Variants in HERC1 observed in about 807,000 individuals in gnomAD.
The protein encoded by HERC1 is HECT and RLD domain containing E3 ubiquitin protein ligase family member 1.
Under a neutral mutation model 554.3 loss-of-function variants are expected in HERC1, and 160 were observed. That is an observed-to-expected ratio of 0.29 (90% CI 0.25 to 0.33). The LOEUF (loss-of-function observed/expected upper bound fraction) is 0.33, where lower values mean the gene tolerates loss of function less well. Among genes scored for constraint, HERC1 ranks in the 10% least tolerant of loss-of-function variants. HERC1 has a pLI of 1.00. For missense variants in HERC1, 4,919 were observed against 5,918.5 expected, an observed-to-expected ratio of 0.83 and a Z score of 5.54; for synonymous variants, 2,175 against 2,131.7, an observed-to-expected ratio of 1.02 and a Z score of -0.56.
intron 17 of HERC1, among the ~76,000 whole-genome samples, chr15:63,726,500 G>A (rs2074045997): frequency 1.3e-5 from 2 of 151,888 alleles, no homozygotes; most frequent in South Asian, 2.1e-4. Context: ...CAAAAAATAG[G>A]AATAAACAGG....
chr15:63,758,293 A>T lies in HERC1; in HGVS notation c.1103T>A (p.Val368Asp). ...DSIQTGDAPIVSETCEVYVWG... is the reference protein window; with the variant it reads ...DSIQTGDAPIDSETCEVYVWG... ...AACATAAACCTCACAGGTTTCGGAG[A>T]CAATGGGAGCATCACCAGTCTGAAT... The change falls in exon 4 of 78, where the codon GTC becomes GAC. Residue 368 changes from valine (V) to aspartate (D), a missense_variant. Coordinates refer to ENST00000443617, the MANE Select transcript of HERC1 (RefSeq NM_003922.4). The surrounding 1 kb of genome is among the most constrained non-coding windows in gnomAD (Gnocchi z 4.0). The T allele has an allele frequency of 6.2e-7, 1 of 1,613,626 alleles. No individual in the cohort carries two copies. Among genetic ancestry groups the T allele is most frequent in the Non-Finnish European group, 8.5e-7 (1 of 1,179,636 alleles).
At position 63,694,620 on chromosome 15, in the gene HERC1, C is replaced by G. The variant is rs2072298235; in HGVS notation, c.5243-71G>C. On this transcript the variant is annotated intron_variant, in intron 28 of 77. Transcript: ENST00000443617. This position sits in a 1 kb window ranked among gnomAD's most constrained non-coding sequence, Gnocchi z 4.3. The stretch of plus-strand genomic sequence containing the variant: ...AGCATTTATTAAAATGAATAATTTT[C>G]TAAAATATTAATAACATGAAACACT... 3 of 1,446,012 alleles carry G rather than the reference C, an allele frequency of 2.1e-6. 1 individual carries two copies. The Admixed American group carries it at 5.5e-5, about 27-fold the overall frequency. 89.6% of individuals were successfully genotyped at this position (1,446,012 alleles called of 1,614,324 possible).
At chr15:63,770,856 C>T (rs1278988648) in intron 2 of HERC1, among the ~76,000 whole-genome samples, 1 of 152,092 alleles carries the variant, frequency 6.6e-6, no homozygotes, top group East Asian at 1.9e-4. Flanking sequence ...AGAGGCTCTA[C>T]AAACTTCCTA....
Position 63,723,368 on chromosome 15 carries a change from C to A in HERC1, c.3569-13G>T. 6.6e-7 allele frequency: 1 copy of A among 1,507,054 alleles called. No individual in the cohort carries two copies. Among genetic ancestry groups the A allele is most frequent in the Non-Finnish European group, 8.9e-7 (1 of 1,118,068 alleles). The allele number at this position is 1,507,054 out of a possible 1,614,324, so 93.4% of individuals were successfully genotyped here. A position where few individuals can be genotyped will look rare whatever the true frequency, so the allele number is the denominator to read the frequency against. The stretch of plus-strand genomic sequence containing the variant: ...CTCATACATTTATCTAAAAAAAATA[C>A]TCACGTTACCAATTTTAACATCATA... On this transcript the variant is annotated splice_polypyrimidine_tract_variant and intron_variant, in intron 18 of 77. Coordinates refer to ENST00000443617, the MANE Select transcript of HERC1 (RefSeq NM_003922.4).
In HERC1 at chr15:63,803,312, C is replaced by A. The variant is rs543613872; in HGVS notation, c.-26-27663G>T. On this transcript the variant is annotated intron_variant, in intron 1 of 77. Coordinates refer to ENST00000443617, the MANE Select transcript of HERC1 (RefSeq NM_003922.4). ...GCTAAATAGCCCAAGGTCACAACTG[C>A]CAGTAATTGATAGAGTAAGGATTCA... Among the ~76,000 whole-genome samples, 8 of 152,276 alleles carry A rather than the reference C, an allele frequency of 5.3e-5. No individual in the cohort carries two copies. The South Asian group carries it at 1.7e-3, about 32-fold the overall frequency.
intron 3 of HERC1, 79 bp downstream of exon 3, chr15:63,764,017 G>C: frequency 2.5e-6 from 2 of 786,944 alleles, no homozygotes; most frequent in Non-Finnish European, 3.8e-6. Context: ...AGAGAAAATG[G>C]ATTATTTTTA....
rs765658454 is a variant in HERC1 at position 63,686,545 on chromosome 15, A to G, written c.6049-10T>C. ...CCAACTCGCCCTGCTTCTACCAGAA[A>G]AGAAGCTGGGTCAGCATTTTGGAAT... On this transcript the variant is annotated splice_polypyrimidine_tract_variant and intron_variant, in intron 33 of 77. Coordinates refer to ENST00000443617, the MANE Select transcript of HERC1 (RefSeq NM_003922.4). 6.2e-7 allele frequency: 1 copy of G among 1,609,530 alleles called. No homozygotes were observed. Among genetic ancestry groups the G allele is most frequent in the South Asian group, 1.1e-5 (1 of 90,264 alleles).
chr15:63,619,786 G>T (rs2067990787), intron 74 of HERC1, among the ~76,000 whole-genome samples: 1 of 152,086 alleles, frequency 6.6e-6, no homozygotes, highest in South Asian at 2.1e-4. Flanking sequence ...TTGCATAGAG[G>T]TGTTTATAGT....
At position 63,712,910 on chromosome 15, in the gene HERC1, C is replaced by CAA. The variant is rs369792267; in HGVS notation, c.4464-17_4464-16dup. 1,534 of 1,422,610 alleles carry CAA rather than the reference C, an allele frequency of 1.1e-3. 11 individuals carry two copies. In the African/African-American group the frequency reaches 0.02, roughly 18 times the overall value. The allele number at this position is 1,422,610 out of a possible 1,614,324, so 88.1% of individuals were successfully genotyped here. Reference sequence around the variant, plus strand: ...GACTTTCACTCCTGTCTCACATGTACAAAAAAAAAAGTTTTTTGATTTAGG... The same window carrying CAA: ...GACTTTCACTCCTGTCTCACATGTACAAAAAAAAAAAAGTTTTTTGATTTAGG... On this transcript the variant is annotated splice_polypyrimidine_tract_variant and intron_variant, in intron 23 of 77. Coordinates refer to ENST00000443617, the MANE Select transcript of HERC1 (RefSeq NM_003922.4).
rs1331701393 is a variant in HERC1, at chr15:63,724,196, GTAGAGAT to G, written c.3569-848_3569-842del. 5.3e-5 allele frequency among the ~76,000 whole-genome samples: 8 copies of G among 152,260 alleles called. No individual in the cohort carries two copies. In the East Asian group the frequency reaches 1.5e-3, roughly 29 times the overall value. On this transcript the variant is annotated intron_variant, in intron 18 of 77. Transcript: ENST00000443617. ...TAAATATAACAGAAATATGAAGAGG[GTAGAGAT>G]AGAGATACTTTTGTTCTCAGGAGGT... is the stretch of plus-strand genomic sequence containing the variant.
intron 8 of HERC1, 84 bp downstream of exon 8, chr15:63,752,874 T>C (rs751434502): frequency 1.5e-5 from 19 of 1,286,506 alleles, no homozygotes; most frequent in South Asian, 5.8e-5. Flanking sequence ...ATTTGAACTT[T>C]AAAATTTAAA....
chr15:63,643,516 A>C lies in HERC1; in HGVS notation c.11219T>G (p.Val3740Gly), dbSNP rs2152849899. The C allele has an allele frequency of 6.2e-7, 1 of 1,607,922 alleles. No homozygotes were observed. ...GYRKSSGAKC[V>G]YQLRGHITPV... The stretch of plus-strand genomic sequence containing the variant: ...AGTGATGTGTCCCCGCAGCTGATAA[A>C]CACACTTGGCTCCTGATGATTTCCT... Residue 3740 changes from valine to glycine, a missense_variant, in exon 58 of 78, where the codon GTT becomes GGT. By Grantham distance (109) the Val-to-Gly change is moderately radical. Coordinates refer to ENST00000443617, the MANE Select transcript of HERC1 (RefSeq NM_003922.4).
chr15:63,741,305 G>A (rs59107973), intron 12 of HERC1, among the ~76,000 whole-genome samples: 4,911 of 151,654 alleles, frequency 0.032, 259 homozygotes, highest in African/African-American at 0.11. Context: ...GGGATTACAG[G>A]CGTGAGCCAC....
chr15:63,789,314 T>C (rs1297231406), intron 1 of HERC1, among the ~76,000 whole-genome samples: 2 of 150,384 alleles, frequency 1.3e-5, no homozygotes, highest in Non-Finnish European at 3.0e-5. Flanking sequence ...ATGGTCTCGA[T>C]CTCCTGACCT....
At chr15:63,673,926 T>A (rs1017475805) in intron 38 of HERC1, among the ~76,000 whole-genome samples, 1 of 152,220 alleles carries the variant, frequency 6.6e-6, no homozygotes, top group Non-Finnish European at 1.5e-5. Flanking sequence ...GGTTTCACCA[T>A]GTTGGCCAGG....
At chr15:63,704,924 G>C (rs2072924003) in intron 25 of HERC1, among the ~76,000 whole-genome samples, 1 of 151,796 alleles carries the variant, frequency 6.6e-6, no homozygotes, top group African/African-American at 2.4e-5. Flanking sequence ...ATTTTTAGTA[G>C]AGACAGGGTT....
At chr15:63,637,700 C>T in intron 63 of HERC1, 57 bp from the exon 64 acceptor site, 1 of 1,390,256 alleles carries the variant, frequency 7.2e-7, no homozygotes, top group African/African-American at 1.4e-5. Context: ...CTTTAACATG[C>T]AAGCACTTGA....
At position 63,734,627 on chromosome 15, in the gene HERC1, G is replaced by T; in HGVS notation, c.2646+97C>A. 1.9e-6 allele frequency: 2 copies of T among 1,034,456 alleles called. No homozygotes were observed. The highest frequency in any genetic ancestry group is 1.9e-5 in the South Asian group (1 of 53,904). The allele number at this position is 1,034,456 out of a possible 1,614,324, so 64.1% of individuals were successfully genotyped here. A position where few individuals can be genotyped will look rare whatever the true frequency, so the allele number is the denominator to read the frequency against. On this transcript the variant is annotated intron_variant, in intron 13 of 77. Coordinates refer to ENST00000443617, the MANE Select transcript of HERC1 (RefSeq NM_003922.4). The surrounding 1 kb of genome is among the most constrained non-coding windows in gnomAD (Gnocchi z 4.6). ...ACACATTAACCCATCAAGTACTTAT[G>T]CTCCAAGAACACATGGCAATTTATT... is the stretch of plus-strand genomic sequence containing the variant.
At chr15:63,704,915 T>C (rs2072923296) in intron 25 of HERC1, among the ~76,000 whole-genome samples, 1 of 151,848 alleles carries the variant, frequency 6.6e-6, no homozygotes, top group African/African-American at 2.4e-5. Flanking sequence ...ATTTTTTGTA[T>C]TTTTAGTAGA....
Sources: allele counts gnomAD v4.1 joint callset (sites outside exome capture counted in the v4.1 genomes callset), GRCh38; gene constraint gnomAD v4.1.1; non-coding constraint Gnocchi (gnomAD v3.1); transcripts MANE v1.5; gene names NCBI Gene and HGNC (gene_info 2026-07-23, HGNC 2026-07-21).